RAB3C: variants seen among roughly 807,000 people sequenced by gnomAD.
RAB3C encodes the protein ras-related protein Rab-3C.
RAB3C carries 17 observed loss-of-function variants against 26.4 expected under a neutral mutation model. The ratio of observed to expected loss-of-function variants is 0.64; its 90% CI spans 0.44 to 0.97. RAB3C has a LOEUF of 0.97. RAB3C is among the 50% of genes least tolerant of loss of function. The pLI, the probability that RAB3C is intolerant of heterozygous loss-of-function variation, is 0.00. For missense variants in RAB3C, 242 were observed against 281.9 expected (o/e 0.86, Z 1.01); for synonymous variants, 91 against 95.9 (o/e 0.95, Z 0.30).
At chr5:58,609,570 A>T (rs1317256273) in intron 1 of RAB3C, among the ~76,000 whole-genome samples, 1 of 152,154 alleles carries the variant, frequency 6.6e-6, no homozygotes, top group Non-Finnish European at 1.5e-5. Flanking sequence ...GCTGAGGGTT[A>T]TTCACCTCTA....
At position 58,583,111 on chromosome 5, in the gene RAB3C, G is replaced by A; in HGVS notation, c.-98G>A. The A allele has an allele frequency of 3.8e-6, 6 of 1,598,000 alleles. No homozygotes were observed. Among genetic ancestry groups the A allele is most frequent in the South Asian group, 2.2e-5 (2 of 89,298 alleles). ...TGGAGCCGGTTAGCGAACCCCAAGA[G>A]TGCAGAGTGTGGAGCGTGGAGCGCC... On this transcript the variant is annotated 5_prime_UTR_variant, in exon 1 of 5. In the 5' UTR this introduces an upstream ATG that the reference lacks. Coordinates refer to ENST00000282878, the MANE Select transcript of RAB3C (RefSeq NM_138453.4).
At chr5:58,849,460 T>A (rs1744069381) in intron 4 of RAB3C, among the ~76,000 whole-genome samples, 1 of 152,194 alleles carries the variant, frequency 6.6e-6, no homozygotes, top group Non-Finnish European at 1.5e-5. Context: ...TTACTGGAAG[T>A]TGAACGATCT....
chr5:58,776,229 C>T (rs1478467045), intron 3 of RAB3C, among the ~76,000 whole-genome samples: 2 of 152,078 alleles, frequency 1.3e-5, no homozygotes, highest in Non-Finnish European at 2.9e-5. Context: ...CTTCCTCATG[C>T]CTCAATTTTC....
At chr5:58,652,951 C>T (rs545644013) in intron 2 of RAB3C, among the ~76,000 whole-genome samples, 15 of 151,946 alleles carry the variant, frequency 9.9e-5, no homozygotes, top group South Asian at 4.2e-4. Context: ...TGAATTTGCA[C>T]GCAATTTAGG....
At position 58,726,094 on chromosome 5, in the gene RAB3C, A is replaced by G. The variant is rs750416978; in HGVS notation, c.345A>G (p.Glu115=). ...TTTTAATGTATGACATTACAAATGA[A>G]GAATCCTTCAATGCAGTACAAGATT... ...GFILMYDITN[E]ESFNAVQDWS... is the part of the protein sequence containing the mutation. The change falls in exon 3 of 5, where the codon GAA becomes GAG. Residue 115 remains glutamate, a synonymous_variant. Coordinates refer to ENST00000282878, the MANE Select transcript of RAB3C (RefSeq NM_138453.4). 3.1e-6 allele frequency: 5 copies of G among 1,593,776 alleles called. No individual in the cohort carries two copies. The highest frequency in any genetic ancestry group is 4.3e-6 in the Non-Finnish European group (5 of 1,164,042).
At chr5:58,726,228 T>G (rs1010169967) in intron 3 of RAB3C, 108 bp downstream of exon 3, 11 of 564,730 alleles carry the variant, frequency 1.9e-5, no homozygotes, top group Admixed American at 5.9e-5. Flanking sequence ...TGTGTTTACA[T>G]TACACTACAA....
At chr5:58,849,706 C>T (rs558859783) in intron 4 of RAB3C, among the ~76,000 whole-genome samples, 8 of 152,158 alleles carry the variant, frequency 5.3e-5, no homozygotes, top group Admixed American at 1.3e-4. Flanking sequence ...TGGATTTTAA[C>T]GAGAGTAGCT....
intron 4 of RAB3C, among the ~76,000 whole-genome samples, chr5:58,835,428 G>A (rs561459569): frequency 6.6e-6 from 1 of 152,136 alleles, no homozygotes; most frequent in Non-Finnish European, 1.5e-5. Flanking sequence ...TCTTCATTAT[G>A]AAGAGCTTCC....
intron 2 of RAB3C, among the ~76,000 whole-genome samples, chr5:58,676,841 A>G (rs1379245502): frequency 6.6e-6 from 1 of 152,030 alleles, no homozygotes; most frequent in East Asian, 1.9e-4. Flanking sequence ...AGTTTTAGGT[A>G]CTCAAAATTA....
At chr5:58,658,126 G>C (rs192422411) in intron 2 of RAB3C, among the ~76,000 whole-genome samples, 2 of 152,258 alleles carry the variant, frequency 1.3e-5, no homozygotes, top group Admixed American at 6.5e-5. Flanking sequence ...TATGTTGCAG[G>C]TATAGTATTA....
Position 58,707,957 on chromosome 5 carries a change from G to A in RAB3C, c.253-18045G>A, listed in dbSNP as rs141156230. ...CTACAGCAGCTTGCAACCATCTTTGGGTACTAAGAATCATCCCTTATCTTT... is the reference window on the plus strand; with the variant it reads ...CTACAGCAGCTTGCAACCATCTTTGAGTACTAAGAATCATCCCTTATCTTT... On this transcript the variant is annotated intron_variant, in intron 2 of 4. Transcript: ENST00000282878. Among the ~76,000 whole-genome samples the A allele has an allele frequency of 2.6e-3, 394 of 151,432 alleles. 1 individual carries two copies. Among genetic ancestry groups the A allele is most frequent in the African/African-American group, 8.6e-3 (355 of 41,314 alleles).
chr5:58,686,057 A>G (rs1047408655), intron 2 of RAB3C, among the ~76,000 whole-genome samples: 33 of 152,200 alleles, frequency 2.2e-4, no homozygotes, highest in African/African-American at 8.0e-4. Context: ...TTAGAGGGAA[A>G]CAAGACTGGA....
At chr5:58,610,128 T>C (rs550012411) in intron 1 of RAB3C, among the ~76,000 whole-genome samples, 2 of 152,062 alleles carry the variant, frequency 1.3e-5, no homozygotes, top group African/African-American at 4.8e-5. Context: ...TGAAATGTTT[T>C]CTTTCTTGGC....
chr5:58,736,488 G>A (rs908621728), intron 3 of RAB3C, among the ~76,000 whole-genome samples: 2 of 152,154 alleles, frequency 1.3e-5, no homozygotes, highest in African/African-American at 2.4e-5. Context: ...TGAGCAGCCC[G>A]CTCTGCCTCA....
chr5:58,818,462 C>T (rs1579935862), intron 3 of RAB3C, among the ~76,000 whole-genome samples: 1 of 152,052 alleles, frequency 6.6e-6, no homozygotes, highest in Non-Finnish European at 1.5e-5. Context: ...TTCTTTTTTA[C>T]GTTTATACAT....
intron 1 of RAB3C, among the ~76,000 whole-genome samples, chr5:58,613,326 A>C (rs1746754260): frequency 6.6e-6 from 1 of 152,178 alleles, no homozygotes; most frequent in Non-Finnish European, 1.5e-5. Context: ...CCTTAATGAC[A>C]TTCTGTTGAG....
chr5:58,698,249 G>A (rs1009719309), intron 2 of RAB3C, among the ~76,000 whole-genome samples: 12 of 152,172 alleles, frequency 7.9e-5, no homozygotes, highest in East Asian at 3.9e-4. Context: ...GTTGAATATC[G>A]GCCCCCACTC....
chr5:58,740,943 A>ATT (rs1741261211), intron 3 of RAB3C, among the ~76,000 whole-genome samples: 1 of 152,156 alleles, frequency 6.6e-6, no homozygotes, highest in Non-Finnish European at 1.5e-5. Flanking sequence ...ACCAGCTGCA[A>ATT]ATTTGGGAGT....
chr5:58,757,928 G>GTTA lies in RAB3C; in HGVS notation c.371+31810_371+31811insATT, dbSNP rs1741709144. ...CCCCTACTTATTTGTTTTTGTTGTTGTTGTTGTTTTGTTTTGTTTTGTTTT... is the reference window on the plus strand; with the variant it reads ...CCCCTACTTATTTGTTTTTGTTGTTGTTATTGTTGTTTTGTTTTGTTTTGTTTT... On this transcript the variant is annotated intron_variant, in intron 3 of 4. Transcript: ENST00000282878. 4.2e-5 allele frequency among the ~76,000 whole-genome samples: 6 copies of GTTA among 141,484 alleles called. No homozygotes were observed. In the South Asian group the frequency reaches 1.2e-3, roughly 29 times the overall value. 92.8% of individuals were successfully genotyped at this position (141,484 alleles called of 152,430 possible). A position where few individuals can be genotyped will look rare whatever the true frequency, so the allele number is the denominator to read the frequency against.
Sources: gnomAD v4.1 joint callset for allele counts (sites outside exome capture counted in the v4.1 genomes callset) on GRCh38, gnomAD v4.1.1 for gene constraint, MANE v1.5 for transcripts, NCBI Gene and HGNC (gene_info 2026-07-23, HGNC 2026-07-21) for gene names.